Variants in TMEM132D observed in about 807,000 individuals in gnomAD.
TMEM132D encodes the protein transmembrane protein 132D.
Under a neutral mutation model 62.3 loss-of-function variants are expected in TMEM132D, and 21 were observed. The observed-to-expected ratio is 0.34, with a 90% CI of 0.24 to 0.49. The LOEUF is 0.49. Among genes scored for constraint, TMEM132D ranks in the 20% least tolerant of loss-of-function variants. The probability of loss-of-function intolerance (pLI) is 0.99; values close to 1 mark genes in which losing one functional copy is unlikely to be tolerated. For synonymous variants in TMEM132D, 621 were observed against 575.6 expected (o/e 1.08, Z -1.13); for missense variants, 1,346 against 1,402.8 (o/e 0.96, Z 0.65).
rs1880310720 is a variant in TMEM132D, at chr12:129,664,019, G to A, written c.968+35791C>T. Among the ~76,000 whole-genome samples, 5 of 152,216 alleles carry A rather than the reference G, an allele frequency of 3.3e-5. No individual in the cohort carries two copies. In the South Asian group the frequency reaches 8.3e-4, roughly 25 times the overall value. ...ATTCAAAAGGGAGGAGAACTGTAAC[G>A]TTTACACATCTCCTGCATGGCGTTT... On this transcript the variant is annotated intron_variant, in intron 2 of 8. Transcript: ENST00000422113.
At chr12:129,422,624 C>T (rs1261701499) in intron 3 of TMEM132D, among the ~76,000 whole-genome samples, 1 of 152,136 alleles carries the variant, frequency 6.6e-6, no homozygotes, top group Non-Finnish European at 1.5e-5. Flanking sequence ...GGAAATTAAT[C>T]TCGCCATGTC....
intron 3 of TMEM132D, among the ~76,000 whole-genome samples, chr12:129,374,939 G>C (rs1444754532): frequency 6.6e-6 from 1 of 152,122 alleles, no homozygotes; most frequent in Non-Finnish European, 1.5e-5. Context: ...AATATTTCTA[G>C]CTACAGGACA....
chr12:129,508,817 A>G (rs765850726), intron 3 of TMEM132D, among the ~76,000 whole-genome samples: 30 of 152,152 alleles, frequency 2.0e-4, no homozygotes, highest in Non-Finnish European at 5.9e-5. Flanking sequence ...ATACGCATTG[A>G]TGAAAATTGC....
chr12:129,432,114 G>A (rs1872668272), intron 3 of TMEM132D, among the ~76,000 whole-genome samples: 1 of 149,868 alleles, frequency 6.7e-6, no homozygotes, highest in Non-Finnish European at 1.5e-5. Flanking sequence ...TGAATGAATG[G>A]ATGGATAGGT....
intron 2 of TMEM132D, among the ~76,000 whole-genome samples, chr12:129,645,923 C>A (rs1180331784): frequency 6.6e-6 from 1 of 152,168 alleles, no homozygotes; most frequent in Non-Finnish European, 1.5e-5. Context: ...GTAGAACCCT[C>A]AGTTCCAGGA....
At chr12:129,582,454 C>T (rs1441144879) in intron 2 of TMEM132D, among the ~76,000 whole-genome samples, 1 of 152,198 alleles carries the variant, frequency 6.6e-6, no homozygotes, top group African/African-American at 2.4e-5. Context: ...GAAACGTATG[C>T]ACACTCACCC....
intron 3 of TMEM132D, among the ~76,000 whole-genome samples, chr12:129,498,344 C>T (rs1875024429): frequency 6.6e-6 from 1 of 152,156 alleles, no homozygotes; most frequent in Admixed American, 6.5e-5. Context: ...ACCTCTGTCT[C>T]CTGGGTTCAA....
chr12:129,380,709 G>A (rs764979566), intron 3 of TMEM132D, among the ~76,000 whole-genome samples: 2 of 151,882 alleles, frequency 1.3e-5, no homozygotes, highest in Non-Finnish European at 1.5e-5. Context: ...TAGTCACCTC[G>A]CCCTCTCCTG....
chr12:129,298,002 G>A (rs1881618543), intron 4 of TMEM132D, among the ~76,000 whole-genome samples: 1 of 152,138 alleles, frequency 6.6e-6, no homozygotes, highest in African/African-American at 2.4e-5. Context: ...GAAAAGAAAA[G>A]GATGATGCCA....
rs191154590 is a variant in TMEM132D, at chr12:129,130,620, C to T, written c.1444-45918G>A. Among the ~76,000 whole-genome samples, 200 of 152,224 alleles carry T rather than the reference C, an allele frequency of 1.3e-3. 1 individual carries two copies. Among genetic ancestry groups the T allele is most frequent in the African/African-American group, 4.3e-3 (179 of 41,548 alleles). On this transcript the variant is annotated intron_variant, in intron 5 of 8. Transcript: ENST00000422113. ...TTCTGGGAAGGGAGACAGACAATAA[C>T]CAGAGACCAACAGGTTCAGAGCATA...
intron 2 of TMEM132D, among the ~76,000 whole-genome samples, chr12:129,534,665 A>G (rs1017501642): frequency 6.6e-6 from 1 of 152,114 alleles, no homozygotes; most frequent in South Asian, 2.1e-4. Context: ...GTAGACTTGT[A>G]AGTCAAGAGT....
At chr12:129,508,141 G>T (rs1303593255) in intron 3 of TMEM132D, among the ~76,000 whole-genome samples, 1 of 152,162 alleles carries the variant, frequency 6.6e-6, no homozygotes, top group South Asian at 2.1e-4. Flanking sequence ...GGCAAAACAT[G>T]TTGAACAGAG....
At chr12:129,704,605 G>A (rs1881459356) in intron 1 of TMEM132D, among the ~76,000 whole-genome samples, 2 of 152,160 alleles carry the variant, frequency 1.3e-5, no homozygotes, top group South Asian at 4.1e-4. Flanking sequence ...ACTCACAGAA[G>A]GCACCTTGGA....
intron 1 of TMEM132D, among the ~76,000 whole-genome samples, chr12:129,861,744 ACT>A (rs1301663590): frequency 8.2e-6 from 1 of 121,966 alleles, no homozygotes; most frequent in African/African-American, 3.4e-5. Flanking sequence ...ACAGAGAGAG[ACT>A]CTGTCTCAAA....
At chr12:129,657,785 G>A (rs1880129691) in intron 2 of TMEM132D, among the ~76,000 whole-genome samples, 1 of 152,230 alleles carries the variant, frequency 6.6e-6, no homozygotes, top group Admixed American at 6.5e-5. Flanking sequence ...GACACTGGAT[G>A]TTTAACACAG....
intron 3 of TMEM132D, among the ~76,000 whole-genome samples, chr12:129,489,988 G>A (rs1000163067): frequency 1.3e-5 from 2 of 152,192 alleles, no homozygotes; most frequent in Non-Finnish European, 2.9e-5. Flanking sequence ...TGGGGACACA[G>A]ATTAAATCTA....
chr12:129,895,502 C>G (rs1181156005), intron 1 of TMEM132D, among the ~76,000 whole-genome samples: 1 of 152,200 alleles, frequency 6.6e-6, no homozygotes, highest in Non-Finnish European at 1.5e-5. Flanking sequence ...TTTGTGCCTC[C>G]CTGGTCTTGA....
chr12:129,539,234 A>ATT (rs151124336), intron 2 of TMEM132D, among the ~76,000 whole-genome samples: 5,451 of 142,784 alleles, frequency 0.038, 329 homozygotes, highest in African/African-American at 0.12. Flanking sequence ...TTATTTCCGG[A>ATT]TTTTTTTTTT....
At chr12:129,304,242 A>G (rs902761110) in intron 4 of TMEM132D, among the ~76,000 whole-genome samples, 6 of 152,092 alleles carry the variant, frequency 3.9e-5, no homozygotes, top group Non-Finnish European at 8.8e-5. Flanking sequence ...ACAACTCTAC[A>G]CTTGCAACAC....
Sources: gnomAD v4.1 joint callset for allele counts (sites outside exome capture counted in the v4.1 genomes callset) on GRCh38, gnomAD v4.1.1 for gene constraint, MANE v1.5 for transcripts, NCBI Gene and HGNC (gene_info 2026-07-23, HGNC 2026-07-21) for gene names.